WDR25: variants seen among roughly 807,000 people sequenced by gnomAD.
The protein encoded by WDR25 is WD repeat domain 25, also known as WD repeat-containing protein 25.
A neutral mutation model predicts 47.7 loss-of-function variants in WDR25; 35 were observed. That is an observed-to-expected ratio of 0.73 (90% CI 0.56 to 0.97). The LOEUF is 0.97. Among genes scored for constraint, WDR25 ranks in the 50% least tolerant of loss-of-function variants. WDR25 has a pLI of 0.00. For synonymous variants in WDR25, 248 were observed against 278.9 expected, an observed-to-expected ratio of 0.89 and a Z score of 1.10; for missense variants, 634 against 704.7, an observed-to-expected ratio of 0.90 and a Z score of 1.14.
chr14:100,403,942 A>G (rs1490393000), intron 2 of WDR25, among the ~76,000 whole-genome samples: 1 of 152,204 alleles, frequency 6.6e-6, no homozygotes, highest in East Asian at 1.9e-4. Context: ...ACAGAGCATT[A>G]AGTTAATTCC....
rs759804707 is a variant in WDR25 at position 100,529,876 on chromosome 14, G to A, written c.1470G>A (p.Thr490=). The A allele has an allele frequency of 6.2e-6, 10 of 1,613,230 alleles. No individual in the cohort carries two copies. The highest frequency in any genetic ancestry group is 8.5e-6 in the Non-Finnish European group (10 of 1,180,014). The stretch of plus-strand genomic sequence containing the variant: ...CCCCAGGCGGTGACTTGCTGGTGAC[G>A]GGCAGCGCCGATGGCCGGGTCCTGA... ...ECSPGGDLLV[T]GSADGRVLMY... Residue 490 remains threonine, a synonymous_variant, in exon 7 of 7, where the codon ACG becomes ACA. Transcript: ENST00000402312. The surrounding 1 kb of genome is among the most constrained non-coding windows in gnomAD (Gnocchi z 5.1).
Position 100,428,452 on chromosome 14 carries a change from C to T in WDR25, c.823-39569C>T, listed in dbSNP as rs1436199942. 6.6e-6 allele frequency among the ~76,000 whole-genome samples: 1 copy of T among 152,208 alleles called. No homozygotes were observed. Among genetic ancestry groups the T allele is most frequent in the Non-Finnish European group, 1.5e-5 (1 of 68,040 alleles). On this transcript the variant is annotated intron_variant, in intron 2 of 6. Coordinates refer to ENST00000402312, the MANE Select transcript of WDR25 (RefSeq NM_001161476.3). The surrounding 1 kb of genome is among the most constrained non-coding windows in gnomAD (Gnocchi z 4.3). ...GGTGTGGGCAGCCATTTTAGCCTTT[C>T]TGGGCCTCAGCGTCCTCCTCTGTGG... is the stretch of plus-strand genomic sequence containing the variant.
chr14:100,514,348 C>T (rs1050537543), intron 4 of WDR25, among the ~76,000 whole-genome samples: 5 of 152,110 alleles, frequency 3.3e-5, no homozygotes, highest in East Asian at 1.9e-4. Context: ...TCTCTTCTTT[C>T]GAACTAGGTT....
chr14:100,398,359 A>G (rs879711176), intron 2 of WDR25, among the ~76,000 whole-genome samples: 4 of 152,112 alleles, frequency 2.6e-5, no homozygotes, highest in Non-Finnish European at 4.4e-5. Context: ...TGTTTCAGCC[A>G]GCATTCCAGT....
rs1406132442 is a variant in WDR25 at position 100,392,690 on chromosome 14, G to A, written c.822+10944G>A. ...ACACTGTGCCACCAGCCGCCTCTGCGTCTTTGGAGGGCCGTCAATTTTCAC... is the reference window on the plus strand; with the variant it reads ...ACACTGTGCCACCAGCCGCCTCTGCATCTTTGGAGGGCCGTCAATTTTCAC... On this transcript the variant is annotated intron_variant, in intron 2 of 6. Transcript: ENST00000402312. This position sits in a 1 kb window ranked among gnomAD's most constrained non-coding sequence, Gnocchi z 4.2. 2.0e-5 allele frequency among the ~76,000 whole-genome samples: 3 copies of A among 152,222 alleles called. No individual in the cohort carries two copies. The highest frequency in any genetic ancestry group is 6.5e-5 in the Admixed American group (1 of 15,304).
intron 2 of WDR25, among the ~76,000 whole-genome samples, chr14:100,415,511 T>G (rs1382165288): frequency 1.3e-5 from 2 of 152,218 alleles, no homozygotes; most frequent in Non-Finnish European, 2.9e-5. Context: ...GCAAGCAGCC[T>G]TGGAGAGTAG....
At chr14:100,444,614 C>T (rs79194964) in intron 2 of WDR25, among the ~76,000 whole-genome samples, 4,130 of 152,278 alleles carry the variant, frequency 0.027, 96 homozygotes, top group Non-Finnish European at 0.037. Context: ...GATGCCCCTC[C>T]GTGGCCTGCA....
chr14:100,471,240 C>T (rs1207043035), intron 3 of WDR25, among the ~76,000 whole-genome samples: 2 of 152,168 alleles, frequency 1.3e-5, no homozygotes, highest in Non-Finnish European at 2.9e-5. Flanking sequence ...TCTCTATCCT[C>T]TGGCCAGGGC....
chr14:100,382,667 CCT>C (rs1363081898), intron 2 of WDR25, among the ~76,000 whole-genome samples: 5 of 152,108 alleles, frequency 3.3e-5, no homozygotes, highest in Admixed American at 3.3e-4. Flanking sequence ...CTGCATCCCT[CCT>C]CTCTCTCCTC....
At chr14:100,413,393 G>A (rs1392875100) in intron 2 of WDR25, among the ~76,000 whole-genome samples, 27 of 150,594 alleles carry the variant, frequency 1.8e-4, no homozygotes, top group Non-Finnish European at 2.5e-4. Flanking sequence ...TGGTACAAAA[G>A]TAATTGCGGT....
chr14:100,413,501 C>T (rs1366743931), intron 2 of WDR25, among the ~76,000 whole-genome samples: 1 of 152,010 alleles, frequency 6.6e-6, no homozygotes, highest in Non-Finnish European at 1.5e-5. Flanking sequence ...GCGACCTCCG[C>T]CTCCCGGGTT....
intron 3 of WDR25, among the ~76,000 whole-genome samples, chr14:100,470,430 A>G (rs1899790866): frequency 1.3e-5 from 2 of 152,244 alleles, no homozygotes; most frequent in Admixed American, 6.5e-5. Context: ...ATGGGTTCAT[A>G]GTGGCCCTTA....
intron 2 of WDR25, among the ~76,000 whole-genome samples, chr14:100,423,522 C>T (rs1030514903): frequency 6.6e-6 from 1 of 152,130 alleles, no homozygotes; most frequent in African/African-American, 2.4e-5. Context: ...ACGTGTTGAA[C>T]CAAATAATTC....
At chr14:100,501,815 TG>T (rs1900933353) in intron 4 of WDR25, among the ~76,000 whole-genome samples, 1 of 152,094 alleles carries the variant, frequency 6.6e-6, no homozygotes, top group Non-Finnish European at 1.5e-5. Context: ...GACCAGAGAA[TG>T]GGGGCACTGA....
chr14:100,454,557 G>A, intron 2 of WDR25: 2 of 752,272 alleles, frequency 2.7e-6, no homozygotes, highest in African/African-American at 1.8e-5. Flanking sequence ...GTATTGGAGA[G>A]CAAAAAAAAG....
chr14:100,479,779 A>G (rs570358929), intron 3 of WDR25, among the ~76,000 whole-genome samples: 1 of 152,114 alleles, frequency 6.6e-6, no homozygotes, highest in Non-Finnish European at 1.5e-5. Context: ...ACACAGCAGG[A>G]GGTGAGCAGT....
chr14:100,464,873 A>G (rs1249893190), intron 2 of WDR25, among the ~76,000 whole-genome samples: 2 of 105,878 alleles, frequency 1.9e-5, no homozygotes, highest in African/African-American at 7.7e-5. Context: ...CCCCTACCCC[A>G]TCTCATCTCC....
rs376300545 is a variant in WDR25 at position 100,484,074 on chromosome 14, T to A, written c.1051T>A (p.Cys351Ser). Residue 351 changes from cysteine to serine, a missense_variant, in exon 4 of 7, where the codon TGT (cysteine) becomes AGT (serine). Coordinates refer to ENST00000402312, the MANE Select transcript of WDR25 (RefSeq NM_001161476.3). ...TCCAAAAGACCACAACATCTTTTTATGTGGAGGCTTCAGCTCTGAAATGAA... is the reference window on the plus strand; with the variant it reads ...TCCAAAAGACCACAACATCTTTTTAAGTGGAGGCTTCAGCTCTGAAATGAA... The part of the protein sequence containing the change: ...FHPKDHNIFL[C>S]GGFSSEMKAW... The A allele has an allele frequency of 1.2e-6, 2 of 1,613,952 alleles. No individual in the cohort carries two copies. The highest frequency in any genetic ancestry group is 1.7e-6 in the Non-Finnish European group (2 of 1,180,000).
rs375660046 is a variant in WDR25 at position 100,381,547 on chromosome 14, C to G, written c.623C>G (p.Pro208Arg). 2.3e-4 allele frequency: 371 copies of G among 1,614,016 alleles called. No individual in the cohort carries two copies. Among genetic ancestry groups the G allele is most frequent in the Non-Finnish European group, 2.9e-4 (341 of 1,179,910 alleles). The stretch of plus-strand genomic sequence containing the variant: ...CAGGGGCCCCCTGCAGGGCGTGCCC[C>G]AGCCCCTCTCTACGTGGGCCCGGGA... ...EPQGPPAGRAPAPLYVGPGVS... is the reference protein window; with the variant it reads ...EPQGPPAGRARAPLYVGPGVS... Residue 208 changes from proline (P) to arginine (R), a missense_variant, in exon 2 of 7, where the codon CCA becomes CGA. Physicochemically the swap from Pro to Arg is moderately radical, Grantham distance 103. Coordinates refer to ENST00000402312, the MANE Select transcript of WDR25 (RefSeq NM_001161476.3).
Sources: allele counts gnomAD v4.1 joint callset (sites outside exome capture counted in the v4.1 genomes callset), GRCh38; gene constraint gnomAD v4.1.1; non-coding constraint Gnocchi (gnomAD v3.1); transcripts MANE v1.5; gene names NCBI Gene and HGNC (gene_info 2026-07-23, HGNC 2026-07-21).